Variants in LAMA1 observed in about 807,000 individuals in gnomAD.
The protein encoded by LAMA1 is laminin subunit alpha 1, also known as laminin subunit alpha-1.
In LAMA1, 219 loss-of-function variants were observed where a neutral mutation model predicts 348.7. The ratio of observed to expected loss-of-function variants is 0.63; its 90% CI spans 0.56 to 0.70. LAMA1 has a LOEUF of 0.70. Ranked by LOEUF, LAMA1 falls within the 30% of genes least tolerant of loss-of-function variation. The pLI, the probability that LAMA1 is intolerant of heterozygous loss-of-function variation, is 0.00. For synonymous variants in LAMA1, 1,487 were observed against 1,491.0 expected, an observed-to-expected ratio of 1.00 and a Z score of 0.06; for missense variants, 3,744 against 3,888.0, an observed-to-expected ratio of 0.96 and a Z score of 0.99.
intron 57 of LAMA1, among the ~76,000 whole-genome samples, chr18:6,952,696 T>C (rs1444983005): frequency 1.3e-5 from 2 of 152,240 alleles, no homozygotes; most frequent in African/African-American, 2.4e-5. Flanking sequence ...TGAGATCTCA[T>C]GCCATCCCAC....
chr18:6,969,744 T>C (rs1185028378), intron 48 of LAMA1, among the ~76,000 whole-genome samples: 1 of 152,146 alleles, frequency 6.6e-6, no homozygotes, highest in East Asian at 1.9e-4. Flanking sequence ...GGCAGCATCT[T>C]TGACCCAAAG....
chr18:6,972,299 A>G (rs1423224853), intron 47 of LAMA1: 5 of 370,348 alleles, frequency 1.4e-5, no homozygotes, highest in Non-Finnish European at 2.6e-5. Context: ...GCTGGACCTG[A>G]GACCTAGACT....
At chr18:7,115,812 T>TCCAAAA (rs1555671000) in intron 1 of LAMA1, among the ~76,000 whole-genome samples, 13 of 16,204 alleles carry the variant, frequency 8.0e-4, no homozygotes, top group African/African-American at 2.3e-3. Flanking sequence ...CCACTAAAAA[T>TCCAAAA]ACAAAAAAAA....
intron 48 of LAMA1, among the ~76,000 whole-genome samples, chr18:6,970,572 A>G (rs1458461184): frequency 6.6e-6 from 1 of 152,064 alleles, no homozygotes; most frequent in Admixed American, 6.6e-5. Context: ...CAAGACTCCA[A>G]ACCCTATATT....
At chr18:7,083,625 A>G (rs886902240) in intron 1 of LAMA1, among the ~76,000 whole-genome samples, 2 of 152,224 alleles carry the variant, frequency 1.3e-5, no homozygotes, top group African/African-American at 2.4e-5. Context: ...GTCTTTCACT[A>G]AAACTAAATC....
chr18:7,035,130 C>A (rs1394632295), intron 13 of LAMA1, among the ~76,000 whole-genome samples: 1 of 152,132 alleles, frequency 6.6e-6, no homozygotes, highest in Non-Finnish European at 1.5e-5. Context: ...GAAGATAGCT[C>A]CAGGTGAAAG....
chr18:7,072,810 G>A (rs1288619091), intron 3 of LAMA1, among the ~76,000 whole-genome samples: 1 of 152,138 alleles, frequency 6.6e-6, no homozygotes, highest in East Asian at 1.9e-4. Flanking sequence ...AGCTTTGGAT[G>A]CTGAGGCTGG....
Position 7,043,010 on chromosome 18 carries a change from C to A in LAMA1, c.1155+217G>T, listed in dbSNP as rs1455937158. On this transcript the variant is annotated intron_variant, in intron 8 of 62. Transcript: ENST00000389658. ...GACCCAGGATTACATAGCTAATGGA[C>A]CCCTGAATTCAAGATAAATAACAAT... 9 of 579,862 alleles carry A rather than the reference C, an allele frequency of 1.6e-5. No individual in the cohort carries two copies. The East Asian group carries it at 2.3e-4, about 15-fold the overall frequency. The allele number at this position is 579,862 out of a possible 1,614,324, so 35.9% of individuals were successfully genotyped here.
At chr18:7,090,667 TGAAA>T (rs1213318534) in intron 1 of LAMA1, among the ~76,000 whole-genome samples, 1 of 137,942 alleles carries the variant, frequency 7.2e-6, no homozygotes, top group Non-Finnish European at 1.5e-5. Flanking sequence ...GGAGAGATAT[TGAAA>T]GAAAGAAAGA....
chr18:7,033,625 T>C (rs1349032648), intron 14 of LAMA1, among the ~76,000 whole-genome samples: 2 of 152,142 alleles, frequency 1.3e-5, no homozygotes, highest in African/African-American at 4.8e-5. Context: ...GTGGGAAAGG[T>C]CTGGTGTTGC....
At chr18:7,080,131 C>T (rs775895485) in intron 2 of LAMA1, 44 bp from the exon 3 acceptor site, 1 of 1,575,452 alleles carries the variant, frequency 6.3e-7, no homozygotes, top group African/African-American at 1.3e-5. Flanking sequence ...TCGGCTGTTG[C>T]TTTAAATTTC....
chr18:6,953,104 C>T lies in LAMA1; in HGVS notation c.8208-2133G>A, dbSNP rs1293274408. Among the ~76,000 whole-genome samples the T allele has an allele frequency of 1.2e-4, 17 of 146,842 alleles. 1 individual carries two copies. Among genetic ancestry groups the T allele is most frequent in the East Asian group, 4.1e-4 (2 of 4,824 alleles). ...TGTCTGCCTGTGTCCAGTGGATCCA[C>T]ACCATAGGAGCCATGTCTGCCTGTG... is the stretch of plus-strand genomic sequence containing the variant. On this transcript the variant is annotated intron_variant, in intron 57 of 62. Coordinates refer to ENST00000389658, the MANE Select transcript of LAMA1 (RefSeq NM_005559.4).
chr18:7,014,176 C>T (rs777321414), intron 22 of LAMA1, 125 bp from the exon 23 acceptor site: 67 of 799,948 alleles, frequency 8.4e-5, no homozygotes, highest in Non-Finnish European at 1.3e-4. Context: ...CTCTCTCTTG[C>T]TATTGCTGCA....
chr18:6,994,647 T>G (rs75640324), intron 34 of LAMA1, among the ~76,000 whole-genome samples: 1 of 151,536 alleles, frequency 6.6e-6, no homozygotes. Flanking sequence ...GACATCCATA[T>G]GTATAGATAC....
intron 22 of LAMA1, among the ~76,000 whole-genome samples, chr18:7,014,948 G>T (rs192966309): frequency 6.6e-6 from 1 of 151,932 alleles, no homozygotes; most frequent in East Asian, 1.9e-4. Context: ...CCGGGTTCAC[G>T]TCGTTCTCCT....
chr18:7,027,044 G>T (rs2057947213), intron 16 of LAMA1, among the ~76,000 whole-genome samples: 1 of 151,830 alleles, frequency 6.6e-6, no homozygotes, highest in African/African-American at 2.4e-5. Context: ...ACAAAGAAAG[G>T]CAGTAGAAAC....
chr18:6,971,939 C>G lies in LAMA1; in HGVS notation c.6817G>C (p.Gly2273Arg). 1 of 1,614,076 alleles carries G rather than the reference C, an allele frequency of 6.2e-7. No individual in the cohort carries two copies. The highest frequency in any genetic ancestry group is 8.5e-7 in the Non-Finnish European group (1 of 1,180,006). Reference protein sequence around the residue: ...VKVTHFKGCLGEAFLNGKSIG... With the variant: ...VKVTHFKGCLREAFLNGKSIG... ...GATTTTCCATTCAGGAAGGCCTCCC[C>G]CAAGCAGCCTTTAAAATGAGTAACC... The change falls in exon 48 of 63, where the codon GGG (glycine) becomes CGG (arginine). Residue 2273 changes from glycine (G) to arginine (R), a missense_variant. Gly to Arg is a moderately radical substitution (Grantham distance 125). Transcript: ENST00000389658.
At chr18:7,037,437 A>G in intron 12 of LAMA1, 141 bp downstream of exon 12, 2 of 882,368 alleles carry the variant, frequency 2.3e-6, no homozygotes, top group Non-Finnish European at 1.9e-6. Flanking sequence ...TTGTATCATC[A>G]GATGCAAGTA....
At chr18:7,096,938 C>T (rs1224788237) in intron 1 of LAMA1, among the ~76,000 whole-genome samples, 1 of 152,180 alleles carries the variant, frequency 6.6e-6, no homozygotes, top group Non-Finnish European at 1.5e-5. Flanking sequence ...ATTCTTACCC[C>T]AGCCCGTCGG....
Sources: allele counts gnomAD v4.1 joint callset (sites outside exome capture counted in the v4.1 genomes callset), GRCh38; gene constraint gnomAD v4.1.1; transcripts MANE v1.5; gene names NCBI Gene and HGNC (gene_info 2026-07-23, HGNC 2026-07-21).